Variants in CRELD2 observed in about 807,000 individuals in gnomAD.
CRELD2 encodes the protein protein disulfide isomerase CRELD2.
In CRELD2, 33 loss-of-function variants were observed where a neutral mutation model predicts 48.1. The ratio of observed to expected loss-of-function variants is 0.69; its 90% CI spans 0.52 to 0.92. The LOEUF (loss-of-function observed/expected upper bound fraction) is 0.92. CRELD2 is among the 40% of genes least tolerant of loss of function. CRELD2 has a pLI of 0.00. For missense variants in CRELD2, 477 were observed against 482.4 expected (o/e 0.99, Z 0.10); for synonymous variants, 220 against 203.9 (o/e 1.08, Z -0.67).
rs2060670257 is a variant in CRELD2, at chr22:49,920,266, A to T, written c.415+19A>T. On this transcript the variant is annotated intron_variant, in intron 4 of 9. Coordinates refer to ENST00000328268, the MANE Select transcript of CRELD2 (RefSeq NM_024324.5). ...TGTCTCGGTGCGTTTCTCCTCAGGG[A>T]AATCCCATCTCCTACGTCACTTCCC... 2 of 1,529,296 alleles carry T rather than the reference A, an allele frequency of 1.3e-6. No homozygotes were observed. Among genetic ancestry groups the T allele is most frequent in the Admixed American group, 3.4e-5 (2 of 59,146 alleles). 94.7% of individuals were successfully genotyped at this position (1,529,296 alleles called of 1,614,324 possible). A position where few individuals can be genotyped will look rare whatever the true frequency, so the allele number is the denominator to read the frequency against.
chr22:49,919,622 C>CGGAGTCCT (rs2060656915), intron 2 of CRELD2, 108 bp from the exon 3 acceptor site: 1 of 771,688 alleles, frequency 1.3e-6, no homozygotes, highest in East Asian at 2.7e-5. Context: ...TCTCTGTGCC[C>CGGAGTCCT]GGAGTCCTGG....
At chr22:49,924,226 C>G in intron 7 of CRELD2, 134 bp from the exon 8 acceptor site, 2 of 610,808 alleles carry the variant, frequency 3.3e-6, no homozygotes, top group Admixed American at 2.6e-5. Flanking sequence ...AGAGACAGAT[C>G]GTTATAAAGT....
intron 7 of CRELD2, chr22:49,923,648 C>T (rs7410612): frequency 0.22 from 101,881 of 461,180 alleles, 12,199 homozygotes; most frequent in African/African-American, 0.33. Context: ...CAGCTTGTTG[C>T]GAACGTCTCT....
At chr22:49,926,830 TCCCCCCCGTCCCCTCATTCTCCTCCCTC>T (rs2093035099) in intron 9 of CRELD2, among the ~76,000 whole-genome samples, 2 of 2,200 alleles carry the variant, frequency 9.1e-4, no homozygotes, top group Admixed American at 5.1e-3. Flanking sequence ...TGCCCCTCCC[TCCCCCCCGTCCCCTCATTCTCCTCCCTC>T]CCCCCCACCC....
intron 8 of CRELD2, 157 bp downstream of exon 8, chr22:49,924,612 C>T (rs533749084): frequency 1.5e-5 from 8 of 522,598 alleles, no homozygotes; most frequent in South Asian, 4.9e-5. Context: ...CTGAGGTCCA[C>T]GTGAGACACA....
intron 3 of CRELD2, 126 bp downstream of exon 3, chr22:49,919,966 C>T (rs190455134): frequency 1.3e-4 from 109 of 824,534 alleles, no homozygotes; most frequent in Non-Finnish European, 2.2e-5. Context: ...CACCTTACCC[C>T]TGCATTACCG....
chr22:49,923,146 C>T (rs1485130728), intron 6 of CRELD2, 88 bp from the exon 7 acceptor site: 2 of 1,093,178 alleles, frequency 1.8e-6, no homozygotes, highest in Non-Finnish European at 2.6e-6. Context: ...CGGCCCTGGC[C>T]ACGGGCTGTG....
At chr22:49,927,047 C>T (rs562348275) in intron 9 of CRELD2, among the ~76,000 whole-genome samples, 7 of 150,054 alleles carry the variant, frequency 4.7e-5, no homozygotes, top group Non-Finnish European at 7.4e-5. Context: ...CCCACGGCAG[C>T]GTGGGGGCTC....
Position 49,924,135 on chromosome 22 carries a change from C to T in CRELD2, c.773-225C>T. 4 of 432,304 alleles carry T rather than the reference C, an allele frequency of 9.3e-6. No homozygotes were observed. In the South Asian group the frequency reaches 1.3e-4, roughly 14 times the overall value. 26.8% of individuals were successfully genotyped at this position (432,304 alleles called of 1,614,324 possible). A position where few individuals can be genotyped will look rare whatever the true frequency, so the allele number is the denominator to read the frequency against. On this transcript the variant is annotated intron_variant, in intron 7 of 9. Transcript: ENST00000328268. ...GCACCCAGTTTCTCCCAAAGAGTTC[C>T]AAGCCAGGTGGTCTGCACCATGGCT...
At chr22:49,922,859 GCT>G (rs2060711526) in intron 6 of CRELD2, 152 bp downstream of exon 6, 2 of 112,124 alleles carry the variant, frequency 1.8e-5, no homozygotes, top group Admixed American at 8.9e-5. Flanking sequence ...GAGGTGTGGG[GCT>G]TGGGGTGTGG....
chr22:49,921,515 C>T, intron 4 of CRELD2, 70 bp from the exon 5 acceptor site: 1 of 1,502,226 alleles, frequency 6.7e-7, no homozygotes, highest in Non-Finnish European at 9.0e-7. Flanking sequence ...GCCATGCGTT[C>T]TCTCCGTGTG....
intron 8 of CRELD2, 39 bp from the exon 9 acceptor site, chr22:49,925,378 G>T: frequency 7.4e-7 from 1 of 1,353,890 alleles, no homozygotes; most frequent in South Asian, 1.2e-5. Context: ...CGCGTCTGCT[G>T]AGCAAAGTAA....
chr22:49,919,693 G>T (rs771856915), intron 2 of CRELD2, 37 bp from the exon 3 acceptor site: 1 of 1,502,094 alleles, frequency 6.7e-7, no homozygotes. Context: ...CTGCCTTGGA[G>T]GCGCTGACGG....
chr22:49,927,273 G>GC lies in CRELD2; in HGVS notation c.1031dup (p.Thr345AspfsTer48). 6.2e-7 allele frequency: 1 copy of GC among 1,612,454 alleles called. No individual in the cohort carries two copies. Among genetic ancestry groups the GC allele is most frequent in the East Asian group, 2.2e-5 (1 of 44,792 alleles). Reference sequence around the variant, plus strand: ...CTGACAGAAGCCACAGAAGGAGAAAGCCCGACACAGCTGCCCTCCCGCGAA... The same window carrying GC: ...CTGACAGAAGCCACAGAAGGAGAAAGCCCCGACACAGCTGCCCTCCCGCGAA... On this transcript the variant is annotated frameshift_variant, in exon 10 of 10. Transcript: ENST00000328268. LOFTEE classifies it high-confidence loss of function.
intron 7 of CRELD2, chr22:49,923,753 G>A (rs11912619): frequency 0.24 from 70,232 of 298,776 alleles, 10,228 homozygotes; most frequent in African/African-American, 0.5. Flanking sequence ...CGTCATAACA[G>A]TTTTTCAACT....
chr22:49,923,516 A>C, intron 7 of CRELD2, 199 bp downstream of exon 7: 1 of 687,600 alleles, frequency 1.5e-6, no homozygotes, highest in Non-Finnish European at 2.7e-6. Flanking sequence ...AAACAGTTAA[A>C]AACCCAGGAA....
At chr22:49,922,042 T>C (rs919536998) in intron 5 of CRELD2, 1 of 601,058 alleles carries the variant, frequency 1.7e-6, no homozygotes, top group East Asian at 2.8e-5. Flanking sequence ...GGCCATGCAG[T>C]GCACAGGTCC....
chr22:49,920,882 G>A (rs532491047), intron 4 of CRELD2, among the ~76,000 whole-genome samples: 5 of 152,320 alleles, frequency 3.3e-5, no homozygotes, highest in African/African-American at 9.6e-5. Flanking sequence ...ACTGGAGGCC[G>A]CAGCTAATGT....
Position 49,918,736 on chromosome 22 carries a change from G to A in CRELD2, c.-34G>A. On this transcript the variant is annotated 5_prime_UTR_variant, in exon 1 of 10. Transcript: ENST00000328268. ...GAGCAGCACGGCCGCAGGACCTGGAGCTCCGGCTGCGTCTTCCCGCAGCGC... is the reference window on the plus strand; with the variant it reads ...GAGCAGCACGGCCGCAGGACCTGGAACTCCGGCTGCGTCTTCCCGCAGCGC... 1.1e-6 allele frequency: 1 copy of A among 888,296 alleles called. No individual in the cohort carries two copies. The highest frequency in any genetic ancestry group is 1.5e-6 in the Non-Finnish European group (1 of 666,732). 55.0% of individuals were successfully genotyped at this position (888,296 alleles called of 1,614,324 possible). A position where few individuals can be genotyped will look rare whatever the true frequency, so the allele number is the denominator to read the frequency against.
Sources: gnomAD v4.1 joint callset for allele counts (sites outside exome capture counted in the v4.1 genomes callset) on GRCh38, gnomAD v4.1.1 for gene constraint, MANE v1.5 for transcripts, NCBI Gene and HGNC (gene_info 2026-07-23, HGNC 2026-07-21) for gene names.